Variants in ZFPM1 observed in about 807,000 individuals in gnomAD.
ZFPM1 encodes zinc finger protein, FOG family member 1.
Under a neutral mutation model 46.3 loss-of-function variants are expected in ZFPM1, and 28 were observed. The ratio of observed to expected loss-of-function variants is 0.60; its 90% CI spans 0.45 to 0.83. The LOEUF is 0.83. Ranked by LOEUF, ZFPM1 falls within the 40% of genes least tolerant of loss-of-function variation. The pLI, the probability that ZFPM1 is intolerant of heterozygous loss-of-function variation, is 0.00. For synonymous variants in ZFPM1, 957 were observed against 675.9 expected (o/e 1.42, Z -6.45); for missense variants, 1,878 against 1,432.4 (o/e 1.31, Z -5.02).
intron 1 of ZFPM1, among the ~76,000 whole-genome samples, chr16:88,483,445 C>G (rs931979013): frequency 1.3e-5 from 2 of 152,230 alleles, no homozygotes; most frequent in African/African-American, 4.8e-5. Context: ...TGGCCCCGCC[C>G]CAGGGCCTTT....
At chr16:88,504,998 C>G (rs769303790) in intron 3 of ZFPM1, among the ~76,000 whole-genome samples, 6 of 152,216 alleles carry the variant, frequency 3.9e-5, no homozygotes, top group African/African-American at 4.8e-5. Flanking sequence ...CTGCCATTAG[C>G]TGGGGCCAGG....
chr16:88,514,237 C>G, intron 3 of ZFPM1, 150 bp from the exon 4 acceptor site: 1 of 1,362,860 alleles, frequency 7.3e-7, no homozygotes, highest in South Asian at 1.4e-5. Flanking sequence ...TGCCCAGGCC[C>G]CTGGGACCCA....
At position 88,514,653 on chromosome 16, in the gene ZFPM1, C is replaced by T; in HGVS notation, c.402+133C>T. 3.2e-6 allele frequency: 4 copies of T among 1,247,288 alleles called. No homozygotes were observed. The South Asian group carries it at 4.7e-5, about 15-fold the overall frequency. The allele number at this position is 1,247,288 out of a possible 1,614,324, so 77.3% of individuals were successfully genotyped here. A position where few individuals can be genotyped will look rare whatever the true frequency, so the allele number is the denominator to read the frequency against. ...AAGATGTGGGCCTGAGATATTGGGACCTGGAGGATAGGGAGGGATTCGCTG... is the reference window on the plus strand; with the variant it reads ...AAGATGTGGGCCTGAGATATTGGGATCTGGAGGATAGGGAGGGATTCGCTG... On this transcript the variant is annotated intron_variant, in intron 4 of 9. Transcript: ENST00000319555.
intron 4 of ZFPM1, among the ~76,000 whole-genome samples, chr16:88,523,182 G>A (rs1289594782): frequency 2.0e-5 from 3 of 151,106 alleles, no homozygotes; most frequent in East Asian, 1.9e-4. Context: ...CTCCAGGCTG[G>A]GGGACAAGAG....
intron 1 of ZFPM1, among the ~76,000 whole-genome samples, chr16:88,455,132 G>GGTGTGTGTGTGTGTGTGTGTGTGTGTGT (rs4047261): frequency 7.1e-6 from 1 of 141,674 alleles, no homozygotes; most frequent in African/African-American, 2.7e-5. Context: ...TCGGTTCTGG[G>GGTGTGTGTGTGTGTGTGTGTGTGTGTGT]GTGTGTGTGT....
chr16:88,475,330 C>T (rs1908626606), intron 1 of ZFPM1, among the ~76,000 whole-genome samples: 1 of 152,144 alleles, frequency 6.6e-6, no homozygotes, highest in Admixed American at 6.5e-5. Flanking sequence ...AGGGCAGGAG[C>T]GCACGCGATG....
intron 3 of ZFPM1, among the ~76,000 whole-genome samples, chr16:88,496,206 G>A (rs1909922424): frequency 6.6e-6 from 1 of 152,282 alleles, no homozygotes; most frequent in Middle Eastern, 3.4e-3. Context: ...CTCCTGGAAG[G>A]GTTTTCCATG....
intron 1 of ZFPM1, among the ~76,000 whole-genome samples, 180 bp downstream of exon 1, chr16:88,453,858 C>G (rs899282932): frequency 6.6e-6 from 1 of 151,802 alleles, no homozygotes; most frequent in Non-Finnish European, 1.5e-5. Context: ...GGCCTGGGCC[C>G]CCGCGTCTCG....
At chr16:88,532,964 C>T (rs368274714) in intron 9 of ZFPM1, 29 bp downstream of exon 9, 10 of 1,611,138 alleles carry the variant, frequency 6.2e-6, no homozygotes, top group African/African-American at 4.0e-5. Context: ...GCCACCCCTG[C>T]CCCTTAGGCC....
chr16:88,526,848 C>T lies in ZFPM1; in HGVS notation c.437C>T (p.Ala146Val). ...PALTLLLVDE[A>V]CWLRTLPQAL... ...CTGACCCTGCTGCTGGTGGACGAGG[C>T]CTGCTGGCTGAGGACGCTGCCCCAG... The change falls in exon 5 of 10, where the codon GCC becomes GTC. Residue 146 changes from alanine (A) to valine (V), a missense_variant. Transcript: ENST00000319555. 1 of 1,566,944 alleles carries T rather than the reference C, an allele frequency of 6.4e-7. No homozygotes were observed. Among genetic ancestry groups the T allele is most frequent in the Non-Finnish European group, 8.7e-7 (1 of 1,155,764 alleles).
intron 1 of ZFPM1, among the ~76,000 whole-genome samples, chr16:88,459,688 C>T (rs1389751180): frequency 8.9e-6 from 1 of 112,906 alleles, no homozygotes; most frequent in Non-Finnish European, 1.9e-5. Context: ...CTTCCTCCTC[C>T]CCCTCCTCCC....
chr16:88,530,371 C>A, intron 6 of ZFPM1: 1 of 152,508 alleles, frequency 6.6e-6, no homozygotes. Context: ...TGCCTCATCC[C>A]CAGGCAGCAG....
chr16:88,476,969 T>A (rs1189867177), intron 1 of ZFPM1, among the ~76,000 whole-genome samples: 2 of 152,382 alleles, frequency 1.3e-5, no homozygotes, highest in African/African-American at 2.4e-5. Flanking sequence ...CACAGTGTGA[T>A]AGCGATGGAG....
At chr16:88,460,600 C>A (rs1335257155) in intron 1 of ZFPM1, among the ~76,000 whole-genome samples, 1 of 152,182 alleles carries the variant, frequency 6.6e-6, no homozygotes, top group African/African-American at 2.4e-5. Context: ...TTAAGGACCC[C>A]AGAGTGAGGA....
intron 1 of ZFPM1, among the ~76,000 whole-genome samples, chr16:88,455,656 G>A (rs923055262): frequency 3.9e-5 from 6 of 152,058 alleles, no homozygotes; most frequent in African/African-American, 9.7e-5. Context: ...TCAAAGCCCT[G>A]GCGCAGCTGC....
intron 1 of ZFPM1, among the ~76,000 whole-genome samples, chr16:88,466,552 A>C (rs1352655274): frequency 6.6e-6 from 1 of 152,176 alleles, no homozygotes; most frequent in Non-Finnish European, 1.5e-5. Context: ...CAGAAAGGGC[A>C]GGGGACGGCT....
At chr16:88,491,597 A>G (rs1264652569) in intron 3 of ZFPM1, among the ~76,000 whole-genome samples, 2 of 152,194 alleles carry the variant, frequency 1.3e-5, no homozygotes, top group African/African-American at 4.8e-5. Flanking sequence ...GGGTTAGATC[A>G]TCCTCCTGTT....
intron 4 of ZFPM1, among the ~76,000 whole-genome samples, chr16:88,522,730 G>A (rs530598671): frequency 2.0e-5 from 3 of 152,282 alleles, no homozygotes; most frequent in Admixed American, 2.0e-4. Flanking sequence ...GCCCAGAGGA[G>A]GGACAGGGCA....
In ZFPM1 at chr16:88,495,030, C is replaced by T. The variant is rs548751983; in HGVS notation, c.268+5877C>T. On this transcript the variant is annotated intron_variant, in intron 3 of 9. Transcript: ENST00000319555. Reference sequence around the variant, plus strand: ...ATAATCTATAATCCCTGCACGCGCTCGGGAGCAGCTCGGCCGTGGCTCATC... The same window carrying T: ...ATAATCTATAATCCCTGCACGCGCTTGGGAGCAGCTCGGCCGTGGCTCATC... Among the ~76,000 whole-genome samples, 87 of 152,036 alleles carry T rather than the reference C, an allele frequency of 5.7e-4. 1 individual carries two copies. The highest frequency in any genetic ancestry group is 2.0e-3 in the African/African-American group (84 of 41,294).
Sources: allele counts gnomAD v4.1 joint callset (sites outside exome capture counted in the v4.1 genomes callset), GRCh38; gene constraint gnomAD v4.1.1; transcripts MANE v1.5; gene names NCBI Gene and HGNC (gene_info 2026-07-23, HGNC 2026-07-21).